AKAP7: variants seen among roughly 807,000 people sequenced by gnomAD.
The protein encoded by AKAP7 is A kinase (PRKA) anchor protein 7.
Under a neutral mutation model 39.5 loss-of-function variants are expected in AKAP7, and 39 were observed. That is an observed-to-expected ratio of 0.99 (90% CI 0.76 to 1.29). AKAP7 has a LOEUF of 1.29. Among genes scored for constraint, AKAP7 ranks in the 50% most tolerant of loss-of-function variants. The pLI, the probability that AKAP7 is intolerant of heterozygous loss-of-function variation, is 0.00. For missense variants in AKAP7, 414 were observed against 407.7 expected (o/e 1.02, Z -0.13); for synonymous variants, 140 against 139.1 (o/e 1.01, Z -0.05).
At chr6:131,198,460 CAATT>C (rs922421461) in intron 5 of AKAP7, among the ~76,000 whole-genome samples, 7 of 152,102 alleles carry the variant, frequency 4.6e-5, no homozygotes, top group African/African-American at 1.2e-4. Context: ...TTCTGGTACA[CAATT>C]AAGTTACTTG....
intron 2 of AKAP7, among the ~76,000 whole-genome samples, chr6:131,154,946 T>C (rs1054391304): frequency 1.3e-5 from 2 of 152,188 alleles, no homozygotes; most frequent in African/African-American, 4.8e-5. Context: ...TTCTGTCTCT[T>C]CTAGTAAACT....
At chr6:131,228,742 G>C (rs972440233) in intron 7 of AKAP7, among the ~76,000 whole-genome samples, 1 of 152,022 alleles carries the variant, frequency 6.6e-6, no homozygotes, top group Non-Finnish European at 1.5e-5. Context: ...GGGGGTCAGC[G>C]AGGACAAAAC....
At position 131,160,053 on chromosome 6, in the gene AKAP7, C is replaced by G; in HGVS notation, c.152-6C>G. 6.4e-7 allele frequency: 1 copy of G among 1,568,400 alleles called. No individual in the cohort carries two copies. On this transcript the variant is annotated splice_region_variant and splice_polypyrimidine_tract_variant and intron_variant, in intron 2 of 7. Transcript: ENST00000431975. ...TTAGACGTATTGTTTGACTTTTTTC[C>G]TCTAGTCACTGATGAACCTCAAATA...
At chr6:131,142,981 C>G (rs573735969) in intron 1 of AKAP7, among the ~76,000 whole-genome samples, 1 of 152,334 alleles carries the variant, frequency 6.6e-6, no homozygotes, top group African/African-American at 2.4e-5. Context: ...CCTGTTGCCC[C>G]TTTCTTTTGG....
chr6:131,241,627 G>GTGTGTATA lies in AKAP7; in HGVS notation c.850+21820_850+21821insGTGTATAT. The stretch of plus-strand genomic sequence containing the variant: ...TGTGTGTGTGTGTGTGTGTGTGTGT[G>GTGTGTATA]TATATATATATGACAGTTATAGGAT... On this transcript the variant is annotated intron_variant, in intron 7 of 7. Transcript: ENST00000431975. Among the ~76,000 whole-genome samples the GTGTGTATA allele has an allele frequency of 4.9e-3, 423 of 86,662 alleles. 17 individuals carry two copies. Among genetic ancestry groups the GTGTGTATA allele is most frequent in the African/African-American group, 0.02 (398 of 20,046 alleles). 56.9% of individuals were successfully genotyped at this position (86,662 alleles called of 152,430 possible). A position where few individuals can be genotyped will look rare whatever the true frequency, so the allele number is the denominator to read the frequency against.
intron 5 of AKAP7, among the ~76,000 whole-genome samples, chr6:131,191,375 A>G (rs904890167): frequency 5.9e-5 from 9 of 152,338 alleles, no homozygotes; most frequent in African/African-American, 1.9e-4. Flanking sequence ...GGTAATTTAT[A>G]TGAACTCTAA....
intron 5 of AKAP7, among the ~76,000 whole-genome samples, chr6:131,186,128 C>G (rs1805829026): frequency 6.6e-6 from 1 of 152,088 alleles, no homozygotes; most frequent in African/African-American, 2.4e-5. Context: ...AATGTAATCC[C>G]CAGTGTTGGA....
At chr6:131,273,407 C>T (rs1282583677) in intron 7 of AKAP7, among the ~76,000 whole-genome samples, 1 of 152,050 alleles carries the variant, frequency 6.6e-6, no homozygotes, top group East Asian at 1.9e-4. Flanking sequence ...TTCTTTTTCT[C>T]CTCTTCTACT....
At chr6:131,189,140 CGCTGCT>C (rs1256751890) in intron 5 of AKAP7, among the ~76,000 whole-genome samples, 3 of 152,132 alleles carry the variant, frequency 2.0e-5, no homozygotes, top group Non-Finnish European at 4.4e-5. Context: ...GGGAGCAGCT[CGCTGCT>C]GCTTTCTGGC....
intron 2 of AKAP7, among the ~76,000 whole-genome samples, chr6:131,153,757 A>G (rs1182039529): frequency 6.6e-6 from 1 of 151,956 alleles, no homozygotes; most frequent in Admixed American, 6.6e-5. Context: ...ATGATTATAT[A>G]TCTTATCTTC....
chr6:131,148,428 A>G (rs1329483274), intron 2 of AKAP7, among the ~76,000 whole-genome samples: 6 of 151,310 alleles, frequency 4.0e-5, no homozygotes, highest in African/African-American at 1.5e-4. Flanking sequence ...TGGTTACTTC[A>G]TTATCTACTT....
upstream of AKAP7, among the ~76,000 whole-genome samples, chr6:131,133,081 C>T (rs1800364285): frequency 6.6e-6 from 1 of 152,036 alleles, no homozygotes; most frequent in African/African-American, 2.4e-5. Flanking sequence ...TTTATGTCTC[C>T]TATATTTATT....
intron 4 of AKAP7, among the ~76,000 whole-genome samples, chr6:131,168,067 C>T (rs547564171): frequency 1.3e-5 from 2 of 152,002 alleles, no homozygotes; most frequent in Non-Finnish European, 2.9e-5. Flanking sequence ...TTCCAAATAT[C>T]AAAAATCTCG....
chr6:131,132,032 G>A (rs746793636), upstream of AKAP7, among the ~76,000 whole-genome samples: 5 of 152,116 alleles, frequency 3.3e-5, no homozygotes, highest in Non-Finnish European at 7.4e-5. Flanking sequence ...GATAAATTCG[G>A]CCAGGCGCGG....
intron 5 of AKAP7, chr6:131,185,145 C>T (rs888232773): frequency 5.1e-6 from 3 of 588,310 alleles, no homozygotes; most frequent in Admixed American, 2.0e-5. Context: ...TAAACTGCTG[C>T]TGTCCTGAGA....
Position 131,169,267 on chromosome 6 carries a change from A to G in AKAP7, c.583A>G (p.Ile195Val), listed in dbSNP as rs995152369. ...EGDHVNSLLEIAETANRTFQE... is the reference protein window; with the variant it reads ...EGDHVNSLLEVAETANRTFQE... The stretch of plus-strand genomic sequence containing the variant: ...AGATCATGTAAACTCACTTTTGGAG[A>G]TAGCAGGTAAAACAGCAACACACTC... Residue 195 changes from isoleucine (I) to valine (V), a missense_variant, in exon 5 of 8, where the codon ATA (isoleucine) becomes GTA (valine). Coordinates refer to ENST00000431975, the MANE Select transcript of AKAP7 (RefSeq NM_016377.4). 1.9e-6 allele frequency: 3 copies of G among 1,613,626 alleles called. No homozygotes were observed. The highest frequency in any genetic ancestry group is 2.7e-5 in the African/African-American group (2 of 74,890).
At chr6:131,211,738 A>ACTCCAGCCTG (rs1481315852) in intron 6 of AKAP7, among the ~76,000 whole-genome samples, 2 of 141,194 alleles carry the variant, frequency 1.4e-5, no homozygotes, top group Non-Finnish European at 3.0e-5. Flanking sequence ...ACGCCACTGC[A>ACTCCAGCCTG]CTCCAGCCTG....
chr6:131,199,329 C>T (rs1807283496), intron 5 of AKAP7, 132 bp from the exon 6 acceptor site: 4 of 615,718 alleles, frequency 6.5e-6, no homozygotes, highest in Non-Finnish European at 2.8e-6. Context: ...AAGAAAATAT[C>T]TGAAGCAGGT....
upstream of AKAP7, among the ~76,000 whole-genome samples, chr6:131,131,355 C>A (rs538663362): frequency 2.0e-5 from 3 of 152,216 alleles, no homozygotes; most frequent in East Asian, 5.8e-4. Flanking sequence ...CCAGACATTG[C>A]TCTTCATGGA....
Sources: gnomAD v4.1 joint callset for allele counts (sites outside exome capture counted in the v4.1 genomes callset) on GRCh38, gnomAD v4.1.1 for gene constraint, MANE v1.5 for transcripts, NCBI Gene and HGNC (gene_info 2026-07-23, HGNC 2026-07-21) for gene names.